The following DAB1 variants were observed in gnomAD, a reference collection of about 807,000 sequenced individuals.
The protein encoded by DAB1 is disabled homolog 1.
In DAB1, 15 loss-of-function variants were observed where a neutral mutation model predicts 64.6. That is an observed-to-expected ratio of 0.23 (90% CI 0.16 to 0.36). The LOEUF (loss-of-function observed/expected upper bound fraction) is 0.36. DAB1 is among the 10% of genes least tolerant of loss of function. The pLI is 1.00. For missense variants in DAB1, 596 were observed against 706.7 expected (o/e 0.84, Z 1.78); for synonymous variants, 235 against 251.9 (o/e 0.93, Z 0.64).
chr1:58,097,306 T>A (rs1651045755), intron 5 of DAB1, among the ~76,000 whole-genome samples: 1 of 152,208 alleles, frequency 6.6e-6, no homozygotes, highest in Non-Finnish European at 1.5e-5. Flanking sequence ...ACCCCGGCCA[T>A]CTGCTCTTAC....
chr1:58,477,823 G>A (rs10889097), intron 3 of DAB1, among the ~76,000 whole-genome samples: 45,152 of 151,938 alleles, frequency 0.3, 7,735 homozygotes, highest in Non-Finnish European at 0.37. Context: ...TTGAGGCAAC[G>A]AATTTTCTTG....
At chr1:57,090,116 G>A (rs1653504334) in intron 4 of DAB1, among the ~76,000 whole-genome samples, 1 of 152,168 alleles carries the variant, frequency 6.6e-6, no homozygotes, top group African/African-American at 2.4e-5. Flanking sequence ...TGCAATGAGG[G>A]ACAAAGTGAT....
chr1:57,587,021 A>G (rs950299252), intron 7 of DAB1, among the ~76,000 whole-genome samples: 2 of 152,224 alleles, frequency 1.3e-5, no homozygotes, highest in African/African-American at 2.4e-5. Flanking sequence ...CATTCCTGAC[A>G]GATAACCATC....
At chr1:57,145,811 G>A (rs186510798) in intron 2 of DAB1, among the ~76,000 whole-genome samples, 37 of 152,312 alleles carry the variant, frequency 2.4e-4, no homozygotes, top group African/African-American at 8.4e-4. Context: ...CGAAATTGTT[G>A]TTAGAATAAT....
intron 6 of DAB1, among the ~76,000 whole-genome samples, chr1:57,781,126 C>CTCTCTATATATATA (rs1557477160): frequency 7.2e-5 from 2 of 27,726 alleles, no homozygotes; most frequent in Non-Finnish European, 1.3e-4. Flanking sequence ...CTCTCTCTCT[C>CTCTCTATATATATA]TATATATATA....
chr1:57,672,269 T>C (rs577223721), intron 6 of DAB1, among the ~76,000 whole-genome samples: 32 of 152,328 alleles, frequency 2.1e-4, no homozygotes, highest in Middle Eastern at 6.8e-3. Flanking sequence ...TAGGTTATTA[T>C]CATCCCCTGC....
At chr1:58,324,589 T>C (rs1201641588) in intron 4 of DAB1, among the ~76,000 whole-genome samples, 1 of 152,216 alleles carries the variant, frequency 6.6e-6, no homozygotes, top group Non-Finnish European at 1.5e-5. Context: ...AGCCATTTTC[T>C]GGCCTCTTAA....
intron 7 of DAB1, among the ~76,000 whole-genome samples, chr1:57,645,316 C>G (rs572520735): frequency 6.6e-6 from 1 of 152,238 alleles, no homozygotes; most frequent in Non-Finnish European, 1.5e-5. Context: ...TCTTTGGAGG[C>G]CCAGGAGAAG....
At chr1:57,666,698 T>C (rs1317576754) in intron 6 of DAB1, among the ~76,000 whole-genome samples, 1 of 152,178 alleles carries the variant, frequency 6.6e-6, no homozygotes, top group Non-Finnish European at 1.5e-5. Context: ...GTCCAACCAC[T>C]TCTCACCATT....
At chr1:57,048,618 C>A (rs866153435) in intron 9 of DAB1, among the ~76,000 whole-genome samples, 1 of 152,216 alleles carries the variant, frequency 6.6e-6, no homozygotes, top group South Asian at 2.1e-4. Flanking sequence ...ATACTACCTT[C>A]TCTGGATCTC....
At chr1:58,305,811 G>T (rs1015178666) in intron 4 of DAB1, among the ~76,000 whole-genome samples, 4 of 152,140 alleles carry the variant, frequency 2.6e-5, no homozygotes, top group Non-Finnish European at 4.4e-5. Context: ...AATCACCAAT[G>T]TGCAAAGAAT....
At chr1:57,299,084 T>C (rs929752727) in intron 1 of DAB1, among the ~76,000 whole-genome samples, 3 of 152,238 alleles carry the variant, frequency 2.0e-5, no homozygotes, top group African/African-American at 7.2e-5. Flanking sequence ...ATACTAGTAG[T>C]ACCACTTTTA....
intron 7 of DAB1, among the ~76,000 whole-genome samples, chr1:57,537,805 G>C (rs1301163218): frequency 6.6e-6 from 1 of 152,184 alleles, no homozygotes; most frequent in African/African-American, 2.4e-5. Flanking sequence ...AATTTATAAA[G>C]AGAAGAGTTT....
chr1:57,957,159 G>A (rs1181784484), intron 5 of DAB1, among the ~76,000 whole-genome samples: 1 of 152,150 alleles, frequency 6.6e-6, no homozygotes, highest in Non-Finnish European at 1.5e-5. Context: ...ATTGTACAGG[G>A]ACATGACTGG....
At chr1:58,530,578 TC>T (rs1280932037) in intron 1 of DAB1, 1 of 865,876 alleles carries the variant, frequency 1.2e-6, no homozygotes. Context: ...TATGATCAAT[TC>T]AAGTTATTGT....
At chr1:58,072,603 C>CA (rs138480829) in intron 5 of DAB1, among the ~76,000 whole-genome samples, 10,499 of 152,234 alleles carry the variant, frequency 0.069, 446 homozygotes, top group South Asian at 0.17. Flanking sequence ...TTCCGAAGAA[C>CA]AAACCTTCAA....
intron 1 of DAB1, among the ~76,000 whole-genome samples, chr1:58,530,239 AAG>A: frequency 6.6e-6 from 1 of 152,210 alleles, no homozygotes; most frequent in Non-Finnish European, 1.5e-5. Flanking sequence ...TATCCACAAG[AAG>A]TCCTGTATAC....
intron 3 of DAB1, among the ~76,000 whole-genome samples, chr1:58,405,231 C>G (rs1269509092): frequency 3.3e-5 from 5 of 152,174 alleles, no homozygotes; most frequent in Non-Finnish European, 5.9e-5. Flanking sequence ...GGTTCCTCAT[C>G]ATGGGGGCTC....
At chr1:58,073,748 C>T (rs1291479576) in intron 5 of DAB1, among the ~76,000 whole-genome samples, 11 of 152,152 alleles carry the variant, frequency 7.2e-5, no homozygotes, top group Admixed American at 7.2e-4. Flanking sequence ...CAATGTGTCT[C>T]TGTGATTTGT....
Sources: gnomAD v4.1 joint callset for allele counts (sites outside exome capture counted in the v4.1 genomes callset) on GRCh38, gnomAD v4.1.1 for gene constraint, MANE v1.5 for transcripts, NCBI Gene and HGNC (gene_info 2026-07-23, HGNC 2026-07-21) for gene names.